ZSWIM5: variants seen among roughly 807,000 people sequenced by gnomAD.
ZSWIM5 encodes zinc finger SWIM-type containing 5, also known as zinc finger SWIM domain-containing protein 5.
Under a neutral mutation model 119.6 loss-of-function variants are expected in ZSWIM5, and 55 were observed. That is an observed-to-expected ratio of 0.46 (90% confidence interval 0.37 to 0.58). The LOEUF is 0.58. Ranked by LOEUF, ZSWIM5 falls within the 20% of genes least tolerant of loss-of-function variation. The pLI, the probability that ZSWIM5 is intolerant of heterozygous loss-of-function variation, is 0.00. For missense variants in ZSWIM5, 1,193 were observed against 1,512.8 expected, an observed-to-expected ratio of 0.79 and a Z score of 3.51; for synonymous variants, 537 against 606.9, an observed-to-expected ratio of 0.88 and a Z score of 1.69.
At chr1:45,113,325 G>A (rs1196396337) in intron 1 of ZSWIM5, among the ~76,000 whole-genome samples, 2 of 152,074 alleles carry the variant, frequency 1.3e-5, no homozygotes, top group Non-Finnish European at 2.9e-5. Context: ...AAAGGAAACA[G>A]GTAAAGAATT....
rs762403915 is a variant in ZSWIM5 at position 45,206,114 on chromosome 1, G to A, written c.237C>T (p.Tyr79=). ...GCTCGAAGCGCTCCTCCACCCGTTC[G>A]TATGCCCACTTTTCCGCCACCGTCT... ...AAKTVAEKWA[Y]ERVEERFERI... Residue 79 remains tyrosine, a synonymous_variant, in exon 1 of 14, where the codon TAC becomes TAT. Coordinates refer to ENST00000359600, the MANE Select transcript of ZSWIM5 (RefSeq NM_020883.2). 1 of 1,611,502 alleles carries A rather than the reference G, an allele frequency of 6.2e-7. No homozygotes were observed. The highest frequency in any genetic ancestry group is 1.7e-5 in the Admixed American group (1 of 59,920).
chr1:45,069,442 A>G (rs998294400), intron 2 of ZSWIM5, among the ~76,000 whole-genome samples: 15 of 151,674 alleles, frequency 9.9e-5, no homozygotes, highest in African/African-American at 3.4e-4. Flanking sequence ...AAAAAAAAAG[A>G]AATTCACGTT....
At chr1:45,188,746 CTAA>C (rs980172021) in intron 1 of ZSWIM5, among the ~76,000 whole-genome samples, 1 of 152,084 alleles carries the variant, frequency 6.6e-6, no homozygotes, top group African/African-American at 2.4e-5. Context: ...GATAGCCTCC[CTAA>C]TAAAAACAAA....
At chr1:45,180,428 G>T (rs1271772065) in intron 1 of ZSWIM5, among the ~76,000 whole-genome samples, 1 of 152,170 alleles carries the variant, frequency 6.6e-6, no homozygotes, top group African/African-American at 2.4e-5. Context: ...AAGCAGCCGG[G>T]AAGCTCCAAC....
rs372409844 is a variant in ZSWIM5, at chr1:45,018,731, C to T, written c.3281G>A (p.Arg1094His). 6.5e-5 allele frequency: 105 copies of T among 1,614,132 alleles called. 1 individual carries two copies. Among genetic ancestry groups the T allele is most frequent in the Admixed American group, 5.7e-4 (34 of 60,012 alleles). The change falls in exon 14 of 14, where the codon CGC (arginine) becomes CAC (histidine). Residue 1094 changes from arginine (R) to histidine (H), a missense_variant. Physicochemically the swap from Arg to His is conservative, Grantham distance 29. Coordinates refer to ENST00000359600, the MANE Select transcript of ZSWIM5 (RefSeq NM_020883.2). This position sits in a 1 kb window ranked among gnomAD's most constrained non-coding sequence, Gnocchi z 6.7. ...TAPGLAGIPGRRSSGKLMSTD... is the reference protein window; with the variant it reads ...TAPGLAGIPGHRSSGKLMSTD... ...GGACATGAGCTTTCCAGAGCTTCGG[C>T]GGCCTGGGATGCCGGCCAGGCCAGG... is the stretch of plus-strand genomic sequence containing the variant.
At chr1:45,091,199 T>G (rs1645362105) in intron 1 of ZSWIM5, among the ~76,000 whole-genome samples, 1 of 152,172 alleles carries the variant, frequency 6.6e-6, no homozygotes, top group Admixed American at 6.5e-5. Flanking sequence ...TCACAGTGGT[T>G]GAAAACTAGG....
At chr1:45,183,271 C>A (rs1270888934) in intron 1 of ZSWIM5, among the ~76,000 whole-genome samples, 1 of 150,372 alleles carries the variant, frequency 6.7e-6, no homozygotes, top group African/African-American at 2.4e-5. Flanking sequence ...AAATTTATAG[C>A]ACTAAATGCC....
chr1:45,138,899 T>TC (rs1359300504), intron 1 of ZSWIM5, among the ~76,000 whole-genome samples: 1 of 151,364 alleles, frequency 6.6e-6, no homozygotes, highest in African/African-American at 2.4e-5. Flanking sequence ...TTTTTCTTTT[T>TC]TTTTTTTTTT....
chr1:45,135,125 T>G lies in ZSWIM5; in HGVS notation c.596-46888A>C, dbSNP rs892069697. On this transcript the variant is annotated intron_variant, in intron 1 of 13. Transcript: ENST00000359600. ...TTGCTAGATCATACGGTAATTCTGTTTTTTTTTTTTTTTGAGGAACCTTCA... is the reference window on the plus strand; with the variant it reads ...TTGCTAGATCATACGGTAATTCTGTGTTTTTTTTTTTTTGAGGAACCTTCA... Among the ~76,000 whole-genome samples, 6 of 520 alleles carry G rather than the reference T, an allele frequency of 0.012. No homozygotes were observed. In the East Asian group the frequency reaches 0.5, roughly 43 times the overall value. The allele number at this position is 520 out of a possible 152,430, so 0.3% of individuals were successfully genotyped here.
intron 1 of ZSWIM5, among the ~76,000 whole-genome samples, chr1:45,169,294 T>A (rs1012966493): frequency 6.6e-6 from 1 of 152,012 alleles, no homozygotes; most frequent in Non-Finnish European, 1.5e-5. Flanking sequence ...GACAATCTTA[T>A]ATAAATGAGA....
chr1:45,193,446 C>T (rs962522932), intron 1 of ZSWIM5, among the ~76,000 whole-genome samples: 10 of 151,894 alleles, frequency 6.6e-5, no homozygotes, highest in African/African-American at 2.4e-4. Flanking sequence ...TAAAAGAAAA[C>T]AGAAAGAAAG....
intron 8 of ZSWIM5, 31 bp downstream of exon 8, chr1:45,038,905 G>T: frequency 2.5e-6 from 4 of 1,611,536 alleles, no homozygotes; most frequent in Non-Finnish European, 1.7e-6. Context: ...AACAAGGGCA[G>T]TCTTGGTTTG....
At position 45,072,835 on chromosome 1, in the gene ZSWIM5, T is replaced by A. The variant is rs942571321; in HGVS notation, c.953-12588A>T. Among the ~76,000 whole-genome samples the A allele has an allele frequency of 6.6e-6, 1 of 152,068 alleles. No homozygotes were observed. The highest frequency in any genetic ancestry group is 1.5e-5 in the Non-Finnish European group (1 of 68,038). On this transcript the variant is annotated intron_variant, in intron 2 of 13. Transcript: ENST00000359600. This position sits in a 1 kb window ranked among gnomAD's most constrained non-coding sequence, Gnocchi z 4.1. ...TTTTGGTTACTATAGCTCTGTAGTATAATGTGAAGTCAAGTAATAACTCCA... is the reference window on the plus strand; with the variant it reads ...TTTTGGTTACTATAGCTCTGTAGTAAAATGTGAAGTCAAGTAATAACTCCA...
At chr1:45,178,881 T>A (rs1287601932) in intron 1 of ZSWIM5, among the ~76,000 whole-genome samples, 1 of 152,114 alleles carries the variant, frequency 6.6e-6, no homozygotes, top group Non-Finnish European at 1.5e-5. Context: ...GATTAAAGCT[T>A]ATTTTTCTGT....
At position 45,018,039 on chromosome 1, in the gene ZSWIM5, A is replaced by T; in HGVS notation, c.*415T>A. The T allele has an allele frequency of 5.6e-6, 1 of 179,268 alleles. No individual in the cohort carries two copies. The allele number at this position is 179,268 out of a possible 1,614,324, so 11.1% of individuals were successfully genotyped here. A position where few individuals can be genotyped will look rare whatever the true frequency, so the allele number is the denominator to read the frequency against. ...CATCAAATCAGAAGCAGAATTATAAATAGTTACAAGTTTACAATAATTAGC... is the reference window on the plus strand; with the variant it reads ...CATCAAATCAGAAGCAGAATTATAATTAGTTACAAGTTTACAATAATTAGC... On this transcript the variant is annotated 3_prime_UTR_variant, in exon 14 of 14. Transcript: ENST00000359600. The surrounding 1 kb of genome is among the most constrained non-coding windows in gnomAD (Gnocchi z 6.7).
intron 1 of ZSWIM5, among the ~76,000 whole-genome samples, chr1:45,089,917 G>A (rs1645354630): frequency 6.6e-6 from 1 of 152,190 alleles, no homozygotes; most frequent in Non-Finnish European, 1.5e-5. Context: ...AGTAGAGACA[G>A]GAACAAAGGT....
At chr1:45,035,199 C>T (rs1425450733) in intron 10 of ZSWIM5, among the ~76,000 whole-genome samples, 3 of 152,238 alleles carry the variant, frequency 2.0e-5, no homozygotes, top group Non-Finnish European at 2.9e-5. Context: ...TAGTCTGCTA[C>T]ATCCCAGAGG....
chr1:45,081,654 C>G (rs1183856335), intron 2 of ZSWIM5, among the ~76,000 whole-genome samples: 1 of 152,228 alleles, frequency 6.6e-6, no homozygotes, highest in Non-Finnish European at 1.5e-5. Context: ...GTGATCTCGG[C>G]TTGCTACAAC....
At chr1:45,141,046 G>A (rs1557778145) in intron 1 of ZSWIM5, among the ~76,000 whole-genome samples, 1 of 152,114 alleles carries the variant, frequency 6.6e-6, no homozygotes, top group Non-Finnish European at 1.5e-5. Flanking sequence ...CAGAGAGAGT[G>A]TGAAAAATCC....
Sources: allele counts gnomAD v4.1 joint callset (sites outside exome capture counted in the v4.1 genomes callset), GRCh38; gene constraint gnomAD v4.1.1; non-coding constraint Gnocchi (gnomAD v3.1); transcripts MANE v1.5; gene names NCBI Gene and HGNC (gene_info 2026-07-23, HGNC 2026-07-21).